The following CC2D2B variants were observed in gnomAD, a reference collection of about 807,000 sequenced individuals.
CC2D2B encodes coiled-coil and C2 domain containing 2B.
In CC2D2B, 128 loss-of-function variants were observed where a neutral mutation model predicts 161.2. The ratio of observed to expected loss-of-function variants is 0.79; its 90% CI spans 0.69 to 0.92. CC2D2B has a LOEUF of 0.92. CC2D2B is among the 40% of genes least tolerant of loss of function. The probability of loss-of-function intolerance (pLI) is 0.00; values close to 1 mark genes in which losing one functional copy is unlikely to be tolerated. For missense variants in CC2D2B, 1,173 were observed against 1,375.1 expected (o/e 0.85, Z 2.32); for synonymous variants, 391 against 449.8 (o/e 0.87, Z 1.65).
intron 22 of CC2D2B, among the ~76,000 whole-genome samples, chr10:95,994,212 G>A (rs1262518460): frequency 1.3e-5 from 2 of 151,260 alleles, no homozygotes; most frequent in African/African-American, 2.4e-5. Flanking sequence ...TAAGGAGGGT[G>A]AGTCGTCCAA....
At chr10:95,989,937 G>A (rs1228951912) in intron 20 of CC2D2B, among the ~76,000 whole-genome samples, 1 of 152,166 alleles carries the variant, frequency 6.6e-6, no homozygotes, top group Non-Finnish European at 1.5e-5. Context: ...GGAACTGTGA[G>A]TTATGTGCAT....
At chr10:95,926,481 TA>T (rs1258558961) in intron 5 of CC2D2B, among the ~76,000 whole-genome samples, 1 of 151,804 alleles carries the variant, frequency 6.6e-6, no homozygotes, top group East Asian at 1.9e-4. Context: ...GATAAGCTTT[TA>T]TCTTACAAGA....
intron 11 of CC2D2B, among the ~76,000 whole-genome samples, chr10:95,958,912 ACAC>A (rs2141399939): frequency 6.6e-6 from 1 of 152,284 alleles, no homozygotes; most frequent in Non-Finnish European, 1.5e-5. Flanking sequence ...GAAAATCAGT[ACAC>A]TCAAAAGTTG....
At chr10:95,993,858 AG>A (rs2078065113) in intron 22 of CC2D2B, among the ~76,000 whole-genome samples, 2 of 117,626 alleles carry the variant, frequency 1.7e-5, no homozygotes, top group Non-Finnish European at 3.4e-5. Context: ...ATATAGAGAG[AG>A]AGAGAGAGAG....
At chr10:95,977,028 G>C (rs1291133476) in intron 17 of CC2D2B, among the ~76,000 whole-genome samples, 1 of 152,092 alleles carries the variant, frequency 6.6e-6, no homozygotes, top group Non-Finnish European at 1.5e-5. Context: ...GGGATTACAG[G>C]CATGAGCCAC....
chr10:96,009,432 T>C (rs766825558), intron 25 of CC2D2B, among the ~76,000 whole-genome samples: 19 of 152,180 alleles, frequency 1.2e-4, no homozygotes, highest in Non-Finnish European at 2.2e-4. Context: ...GTTTGTTTTC[T>C]TAACTGTTGC....
chr10:95,967,808 A>C (rs752109813), intron 14 of CC2D2B, among the ~76,000 whole-genome samples: 2 of 151,550 alleles, frequency 1.3e-5, no homozygotes, highest in Non-Finnish European at 2.9e-5. Context: ...TTGTCCCCTA[A>C]CTCTTTGAGA....
At chr10:95,935,991 C>T (rs1279030838) in intron 6 of CC2D2B, among the ~76,000 whole-genome samples, 1 of 152,148 alleles carries the variant, frequency 6.6e-6, no homozygotes, top group Non-Finnish European at 1.5e-5. Flanking sequence ...TCAAACTTTC[C>T]TATGCTCTTA....
rs559164112 is a variant in CC2D2B at position 95,980,262 on chromosome 10, AGAAC to A, written c.1944-1712_1944-1709del. On this transcript the variant is annotated intron_variant, in intron 17 of 34. Transcript: ENST00000646931. ...CAATCATTTGACTGGTTTTGACCCA[AGAAC>A]AGCACTGCTGTGAGCCATAGCCTAC... is the stretch of plus-strand genomic sequence containing the variant. Among the ~76,000 whole-genome samples the A allele has an allele frequency of 9.8e-5, 15 of 152,318 alleles. No individual in the cohort carries two copies. In the South Asian group the frequency reaches 3.1e-3, roughly 32 times the overall value.
intron 14 of CC2D2B, 87 bp downstream of exon 14, chr10:95,966,389 A>G: frequency 2.3e-6 from 1 of 443,986 alleles, no homozygotes; most frequent in Non-Finnish European, 3.7e-6. Flanking sequence ...TTCTTGGGTG[A>G]GTACCATATG....
intron 34 of CC2D2B, 98 bp downstream of exon 34, chr10:96,027,487 C>T: frequency 1.2e-6 from 1 of 815,282 alleles, no homozygotes; most frequent in Non-Finnish European, 1.9e-6. Flanking sequence ...GGCCTTTTAT[C>T]TTGATCCTTA....
intron 15 of CC2D2B, among the ~76,000 whole-genome samples, chr10:95,971,388 C>CA (rs200214465): frequency 0.37 from 37,039 of 99,230 alleles, 6,134 homozygotes; most frequent in Admixed American, 0.46. Flanking sequence ...GACTCAACCT[C>CA]AAAAAAAAAA....
At chr10:95,939,396 T>C (rs2075943543) in intron 9 of CC2D2B, among the ~76,000 whole-genome samples, 1 of 152,208 alleles carries the variant, frequency 6.6e-6, no homozygotes, top group Admixed American at 6.5e-5. Context: ...CTTTTATTGA[T>C]GGATATAAGT....
At chr10:95,958,834 A>G (rs914378800) in intron 11 of CC2D2B, among the ~76,000 whole-genome samples, 2 of 152,140 alleles carry the variant, frequency 1.3e-5, no homozygotes, top group African/African-American at 4.8e-5. Context: ...AAAAGAAATT[A>G]GGATAAAGGG....
chr10:95,982,196 T>C, intron 18 of CC2D2B, 83 bp downstream of exon 18: 1 of 970,972 alleles, frequency 1.0e-6, no homozygotes, highest in Non-Finnish European at 1.3e-6. Context: ...CCCCATAGTT[T>C]GCTGTATATT....
chr10:95,982,374 A>C (rs1303893465), intron 18 of CC2D2B, among the ~76,000 whole-genome samples: 1 of 152,220 alleles, frequency 6.6e-6, no homozygotes, highest in Non-Finnish European at 1.5e-5. Context: ...CACATCTGAC[A>C]GTCTTTTATG....
In CC2D2B at chr10:96,000,000, A is replaced by C. The variant is rs183453653; in HGVS notation, c.2849+3748A>C. ...TACACACATTAATTCTCTTGGCAAG[A>C]ATCTTGCCCTTCTTTGTTTACAACA... On this transcript the variant is annotated intron_variant, in intron 24 of 34. Coordinates refer to ENST00000646931, the MANE Select transcript of CC2D2B (RefSeq NM_001349008.3). 4,302 of 1,090,444 alleles carry C rather than the reference A, an allele frequency of 3.9e-3. 22 individuals are homozygous for C. The highest frequency in any genetic ancestry group is 5.4e-3 in the South Asian group (388 of 72,382). 67.5% of individuals were successfully genotyped at this position (1,090,444 alleles called of 1,614,324 possible).
chr10:95,969,367 C>T (rs1401509715), intron 15 of CC2D2B, among the ~76,000 whole-genome samples: 1 of 151,938 alleles, frequency 6.6e-6, no homozygotes, highest in Admixed American at 6.6e-5. Context: ...CAAAAGACCC[C>T]CAGTCTCTGT....
chr10:95,928,976 G>A (rs1395793191), intron 6 of CC2D2B, among the ~76,000 whole-genome samples: 1 of 152,098 alleles, frequency 6.6e-6, no homozygotes, highest in Non-Finnish European at 1.5e-5. Context: ...TTAGGGAATT[G>A]CCACACTGTC....
Sources: gnomAD v4.1 joint callset for allele counts (sites outside exome capture counted in the v4.1 genomes callset) on GRCh38, gnomAD v4.1.1 for gene constraint, MANE v1.5 for transcripts, NCBI Gene and HGNC (gene_info 2026-07-23, HGNC 2026-07-21) for gene names.